WDPCP: variants seen among roughly 807,000 people sequenced by gnomAD.
WDPCP encodes the protein WD repeat containing planar cell polarity effector.
A neutral mutation model predicts 93.1 loss-of-function variants in WDPCP; 71 were observed. The ratio of observed to expected loss-of-function variants is 0.76; its 90% CI spans 0.63 to 0.93. The LOEUF (loss-of-function observed/expected upper bound fraction) is 0.93, where lower values mean the gene tolerates loss of function less well. Ranked by LOEUF, WDPCP falls within the 40% of genes least tolerant of loss-of-function variation. The pLI, the probability that WDPCP is intolerant of heterozygous loss-of-function variation, is 0.00. For synonymous variants in WDPCP, 315 were observed against 315.0 expected (o/e 1.00, Z 0.00); for missense variants, 844 against 887.4 (o/e 0.95, Z 0.62).
chr2:63,813,739 C>T (rs972683340), intron 1 of WDPCP: 8 of 152,084 alleles, frequency 5.3e-5, no homozygotes, highest in South Asian at 2.1e-4. Flanking sequence ...AACAGGTACT[C>T]GATAAATATT....
intron 2 of WDPCP, among the ~76,000 whole-genome samples, chr2:63,685,223 AAAAG>A (rs1209313139): frequency 6.6e-6 from 1 of 152,216 alleles, no homozygotes; most frequent in African/African-American, 2.4e-5. Flanking sequence ...CAGACTAAGA[AAAAG>A]AGAGAGAAGA....
intron 9 of WDPCP, among the ~76,000 whole-genome samples, chr2:63,431,375 G>A (rs1289069383): frequency 6.6e-6 from 1 of 151,944 alleles, no homozygotes; most frequent in Non-Finnish European, 1.5e-5. Context: ...CCAAATAAAA[G>A]CTTATCTTTT....
At chr2:63,663,623 T>C (rs1297579655) in intron 2 of WDPCP, among the ~76,000 whole-genome samples, 1 of 152,114 alleles carries the variant, frequency 6.6e-6, no homozygotes, top group African/African-American at 2.4e-5. Context: ...ATTTTGTAGG[T>C]GTGATTTATA....
chr2:63,291,827 G>GA (rs1376962466), intron 13 of WDPCP, among the ~76,000 whole-genome samples: 11 of 147,304 alleles, frequency 7.5e-5, no homozygotes, highest in Admixed American at 3.4e-4. Flanking sequence ...AAAAAGAAAA[G>GA]AAAAGAAAAA....
At chr2:63,798,337 C>G (rs1459915177) in intron 2 of WDPCP, among the ~76,000 whole-genome samples, 2 of 152,104 alleles carry the variant, frequency 1.3e-5, no homozygotes, top group East Asian at 3.9e-4. Flanking sequence ...AAACAATGAA[C>G]CAATCAAAAA....
At chr2:63,571,765 A>C (rs1707522343) in intron 1 of WDPCP, 2 of 383,974 alleles carry the variant, frequency 5.2e-6, no homozygotes, top group Non-Finnish European at 1.0e-5. Flanking sequence ...ACAATGCTTC[A>C]ACATGATATA....
chr2:63,777,828 G>A (rs980533789), intron 2 of WDPCP, among the ~76,000 whole-genome samples: 14 of 152,164 alleles, frequency 9.2e-5, no homozygotes, highest in Non-Finnish European at 1.9e-4. Flanking sequence ...GGGTGATGGA[G>A]ATGTTTATTA....
intron 3 of WDPCP, among the ~76,000 whole-genome samples, chr2:63,636,420 G>A (rs1216466547): frequency 6.6e-6 from 1 of 152,022 alleles, no homozygotes. Flanking sequence ...AAACAAAGCT[G>A]GTGGCATCAC....
intron 3 of WDPCP, among the ~76,000 whole-genome samples, chr2:63,486,977 C>T (rs1056436848): frequency 6.6e-6 from 1 of 151,972 alleles, no homozygotes; most frequent in Non-Finnish European, 1.5e-5. Flanking sequence ...CCCACTTCAA[C>T]GGAGACCAAA....
At chr2:63,240,003 T>C (rs1679738390) in intron 14 of WDPCP, among the ~76,000 whole-genome samples, 1 of 152,182 alleles carries the variant, frequency 6.6e-6, no homozygotes, top group African/African-American at 2.4e-5. Context: ...GTTTGGATTC[T>C]ATTTTGTCAT....
intron 1 of WDPCP, among the ~76,000 whole-genome samples, chr2:63,559,178 C>A: frequency 6.6e-6 from 1 of 152,166 alleles, no homozygotes; most frequent in South Asian, 2.1e-4. Context: ...AAAAAAACCA[C>A]ATGATTATCT....
At chr2:63,195,895 A>G (rs1251045663) in intron 14 of WDPCP, among the ~76,000 whole-genome samples, 1 of 152,188 alleles carries the variant, frequency 6.6e-6, no homozygotes, top group Non-Finnish European at 1.5e-5. Flanking sequence ...ATTGAACATT[A>G]AGTCATAATA....
intron 12 of WDPCP, among the ~76,000 whole-genome samples, chr2:63,322,884 G>A (rs1378987281): frequency 6.6e-6 from 1 of 152,114 alleles, no homozygotes; most frequent in East Asian, 1.9e-4. Flanking sequence ...CTTAGAATTC[G>A]GGGTCTAAAT....
intron 13 of WDPCP, among the ~76,000 whole-genome samples, chr2:63,285,900 T>C (rs974155004): frequency 6.6e-6 from 1 of 152,196 alleles, no homozygotes; most frequent in Non-Finnish European, 1.5e-5. Context: ...CTGACCTAAT[T>C]ATCATTTAAA....
intron 14 of WDPCP, among the ~76,000 whole-genome samples, chr2:63,204,675 G>C (rs1188407884): frequency 2.0e-5 from 3 of 152,034 alleles, no homozygotes; most frequent in Admixed American, 2.0e-4. Context: ...TAAATCTTTA[G>C]CTCATTTTTA....
intron 3 of WDPCP, among the ~76,000 whole-genome samples, chr2:63,648,903 C>T (rs1207397925): frequency 6.6e-6 from 1 of 152,172 alleles, no homozygotes; most frequent in African/African-American, 2.4e-5. Flanking sequence ...CGTTTAGGCT[C>T]CAGTTAACTA....
At chr2:63,682,794 A>G (rs1668738660) in intron 2 of WDPCP, among the ~76,000 whole-genome samples, 1 of 152,160 alleles carries the variant, frequency 6.6e-6, no homozygotes, top group East Asian at 1.9e-4. Flanking sequence ...AACATACAGA[A>G]TATTACAACA....
chr2:63,487,431 A>G lies in WDPCP; in HGVS notation c.208+16T>C. 1 of 1,568,550 alleles carries G rather than the reference A, an allele frequency of 6.4e-7. No individual in the cohort carries two copies. The highest frequency in any genetic ancestry group is 1.1e-5 in the South Asian group (1 of 89,640). On this transcript the variant is annotated intron_variant, in intron 3 of 17. Transcript: ENST00000272321. ...TTTAGTTAATAAAAATTAATTGCACAGAATAGGTACTTTACCTGGTGGATC... is the reference window on the plus strand; with the variant it reads ...TTTAGTTAATAAAAATTAATTGCACGGAATAGGTACTTTACCTGGTGGATC...
chr2:63,348,279 C>G (rs1487090965), intron 12 of WDPCP, among the ~76,000 whole-genome samples: 3 of 152,110 alleles, frequency 2.0e-5, no homozygotes, highest in Admixed American at 6.6e-5. Context: ...TGTTTGACTC[C>G]AAGCCTTGGA....
Sources: gnomAD v4.1 joint callset for allele counts (sites outside exome capture counted in the v4.1 genomes callset) on GRCh38, gnomAD v4.1.1 for gene constraint, MANE v1.5 for transcripts, NCBI Gene and HGNC (gene_info 2026-07-23, HGNC 2026-07-21) for gene names.